The following ST6GAL1 variants were observed in gnomAD, a reference collection of about 807,000 sequenced individuals.
The protein encoded by ST6GAL1 is ST6 beta-galactoside alpha-2,6-sialyltransferase 1.
A neutral mutation model predicts 38.0 loss-of-function variants in ST6GAL1; 20 were observed. The observed-to-expected ratio is 0.53, with a 90% CI of 0.37 to 0.77. ST6GAL1 has a LOEUF of 0.77. Among genes scored for constraint, ST6GAL1 ranks in the 30% least tolerant of loss-of-function variants. ST6GAL1 has a pLI of 0.00. For synonymous variants in ST6GAL1, 196 were observed against 188.2 expected, an observed-to-expected ratio of 1.04 and a Z score of -0.34; for missense variants, 432 against 496.4, an observed-to-expected ratio of 0.87 and a Z score of 1.23.
chr3:187,075,817 A>C lies in ST6GAL1; in HGVS notation c.*14A>C. 1 of 1,611,902 alleles carries C rather than the reference A, an allele frequency of 6.2e-7. No individual in the cohort carries two copies. Among genetic ancestry groups the C allele is most frequent in the Non-Finnish European group, 8.5e-7 (1 of 1,178,560 alleles). The stretch of plus-strand genomic sequence containing the variant: ...ATTCACTGCTAAGCACAGGCTCCTC[A>C]CTCTTCTCCATCAGGCATTAAATGA... On this transcript the variant is annotated 3_prime_UTR_variant, in exon 8 of 8. Coordinates refer to ENST00000169298, the MANE Select transcript of ST6GAL1 (RefSeq NM_173216.2). This position sits in a 1 kb window ranked among gnomAD's most constrained non-coding sequence, Gnocchi z 4.1.
At chr3:186,981,017 G>A (rs1229363855) in intron 2 of ST6GAL1, among the ~76,000 whole-genome samples, 1 of 152,222 alleles carries the variant, frequency 6.6e-6, no homozygotes, top group Non-Finnish European at 1.5e-5. Context: ...GCACTGAGGA[G>A]GGCTTTGGGT....
chr3:186,969,585 G>A (rs1715280226), intron 2 of ST6GAL1, among the ~76,000 whole-genome samples: 2 of 152,126 alleles, frequency 1.3e-5, no homozygotes, highest in Non-Finnish European at 2.9e-5. Context: ...GTCCTTTATT[G>A]GATATGCTTT....
intron 1 of ST6GAL1, among the ~76,000 whole-genome samples, chr3:186,960,553 A>G (rs530035322): frequency 6.6e-6 from 1 of 152,268 alleles, no homozygotes; most frequent in South Asian, 2.1e-4. Flanking sequence ...AAACTATATT[A>G]AAATGGCCAG....
At chr3:187,022,688 A>C (rs915083126) in intron 2 of ST6GAL1, among the ~76,000 whole-genome samples, 1 of 151,582 alleles carries the variant, frequency 6.6e-6, no homozygotes, top group Admixed American at 6.6e-5. Flanking sequence ...CGTTTCCCCC[A>C]CCAAAGATGG....
chr3:187,073,055 G>C (rs1719441249), intron 6 of ST6GAL1, 108 bp downstream of exon 6: 1 of 858,578 alleles, frequency 1.2e-6, no homozygotes, highest in Admixed American at 2.2e-5. Flanking sequence ...ATTCCTAAAG[G>C]CTGGGTATTT....
intron 2 of ST6GAL1, among the ~76,000 whole-genome samples, chr3:187,024,269 A>G (rs1368890943): frequency 6.6e-6 from 1 of 151,160 alleles, no homozygotes; most frequent in African/African-American, 2.4e-5. Flanking sequence ...AATTTTTTGT[A>G]TTTTTAGTAG....
intron 2 of ST6GAL1, among the ~76,000 whole-genome samples, chr3:186,999,411 CTCTT>C (rs1560157295): frequency 1.1e-5 from 1 of 87,230 alleles, no homozygotes; most frequent in Non-Finnish European, 2.3e-5. Flanking sequence ...CTACTATAAT[CTCTT>C]TTTTTTTTTT....
At chr3:187,024,470 ATG>A (rs1295712570) in intron 2 of ST6GAL1, among the ~76,000 whole-genome samples, 2 of 98,228 alleles carry the variant, frequency 2.0e-5, no homozygotes, top group South Asian at 7.1e-4. Flanking sequence ...ACACATATAT[ATG>A]TGTATATATA....
intron 2 of ST6GAL1, among the ~76,000 whole-genome samples, chr3:187,014,814 T>C (rs564175658): frequency 8.5e-5 from 13 of 152,364 alleles, no homozygotes; most frequent in Admixed American, 5.9e-4. Flanking sequence ...AACATCCTTA[T>C]GGTCATTGTT....
intron 4 of ST6GAL1, among the ~76,000 whole-genome samples, chr3:187,046,775 G>C (rs776048476): frequency 6.6e-6 from 1 of 152,132 alleles, no homozygotes. Flanking sequence ...TTAAAAGGCC[G>C]GATAGTAAAT....
At chr3:186,941,417 C>G (rs1714167973) in intron 1 of ST6GAL1, among the ~76,000 whole-genome samples, 1 of 152,144 alleles carries the variant, frequency 6.6e-6, no homozygotes, top group Non-Finnish European at 1.5e-5. Context: ...CAGAAATTGG[C>G]TACTTGGATG....
chr3:187,043,044 A>G lies in ST6GAL1; in HGVS notation c.341A>G (p.Lys114Arg), dbSNP rs1718180582. The G allele has an allele frequency of 6.2e-7, 1 of 1,614,238 alleles. No homozygotes were observed. Among genetic ancestry groups the G allele is most frequent in the African/African-American group, 1.3e-5 (1 of 75,070 alleles). ...ATCCCTAGGCTGCAAAAGATCTGGA[A>G]GAATTACCTAAGCATGAACAAGTAC... ...NLIPRLQKIW[K>R]NYLSMNKYKV... The change falls in exon 4 of 8, where the codon AAG becomes AGG. Residue 114 changes from lysine to arginine, a missense_variant. By Grantham distance (26) the Lys-to-Arg change is conservative (BLOSUM62 2). Transcript: ENST00000169298.
chr3:187,010,975 A>G (rs1716937668), intron 2 of ST6GAL1, among the ~76,000 whole-genome samples: 1 of 152,206 alleles, frequency 6.6e-6, no homozygotes, highest in African/African-American at 2.4e-5. Context: ...GGGCCGAGAG[A>G]ACTTTGAGCG....
intron 1 of ST6GAL1, among the ~76,000 whole-genome samples, chr3:186,941,977 A>G (rs187920036): frequency 6.6e-6 from 1 of 151,436 alleles, no homozygotes; most frequent in East Asian, 1.9e-4. Context: ...ATGCCACTGC[A>G]CTCCATCCTA....
At chr3:187,061,308 A>G (rs6771150) in intron 5 of ST6GAL1, among the ~76,000 whole-genome samples, 1 of 152,106 alleles carries the variant, frequency 6.6e-6, no homozygotes, top group South Asian at 2.1e-4. Flanking sequence ...CGAATATGAT[A>G]TGCAGATTTA....
chr3:187,008,988 A>G (rs1033764336), intron 2 of ST6GAL1, among the ~76,000 whole-genome samples: 2 of 152,040 alleles, frequency 1.3e-5, no homozygotes, highest in African/African-American at 4.8e-5. Flanking sequence ...AGCATTTCTG[A>G]TAATTCTTTT....
chr3:186,990,409 G>C (rs751074352), intron 2 of ST6GAL1, among the ~76,000 whole-genome samples: 1 of 152,186 alleles, frequency 6.6e-6, no homozygotes, highest in Admixed American at 6.5e-5. Context: ...TCATTAGAGC[G>C]AGAGAAACTG....
At chr3:187,047,008 T>G (rs901893294) in intron 4 of ST6GAL1, among the ~76,000 whole-genome samples, 2 of 152,122 alleles carry the variant, frequency 1.3e-5, no homozygotes, top group African/African-American at 2.4e-5. Context: ...TGCAGTGGCA[T>G]GATCTCGGCT....
chr3:186,987,645 T>C (rs915898452), intron 2 of ST6GAL1, among the ~76,000 whole-genome samples: 1 of 152,238 alleles, frequency 6.6e-6, no homozygotes, highest in African/African-American at 2.4e-5. Flanking sequence ...TTGAAGGTCC[T>C]CAAGATCTTA....
Sources: allele counts gnomAD v4.1 joint callset (sites outside exome capture counted in the v4.1 genomes callset), GRCh38; gene constraint gnomAD v4.1.1; non-coding constraint Gnocchi (gnomAD v3.1); transcripts MANE v1.5; gene names NCBI Gene and HGNC (gene_info 2026-07-23, HGNC 2026-07-21).